Variants in IGF1R observed in about 807,000 individuals in gnomAD.
IGF1R encodes insulin-like growth factor 1 receptor.
A neutral mutation model predicts 144.6 loss-of-function variants in IGF1R; 44 were observed. That is an observed-to-expected ratio of 0.30 (90% CI 0.24 to 0.39). The LOEUF (loss-of-function observed/expected upper bound fraction) is 0.39. IGF1R is among the 10% of genes least tolerant of loss of function. The probability of loss-of-function intolerance (pLI) is 1.00; values close to 1 mark genes in which losing one functional copy is unlikely to be tolerated. For synonymous variants in IGF1R, 795 were observed against 722.8 expected (o/e 1.10, Z -1.60); for missense variants, 1,355 against 1,833.7 (o/e 0.74, Z 4.77).
chr15:98,735,925 G>A (rs35237132), intron 2 of IGF1R, among the ~76,000 whole-genome samples: 3 of 152,188 alleles, frequency 2.0e-5, no homozygotes, highest in East Asian at 1.9e-4. Flanking sequence ...CCCTGAAAGA[G>A]CCTTGAGCCA....
chr15:98,655,218 CAAGAG>C (rs2052456349), intron 1 of IGF1R, among the ~76,000 whole-genome samples: 1 of 152,192 alleles, frequency 6.6e-6, no homozygotes, highest in Non-Finnish European at 1.5e-5. Flanking sequence ...ATTGTTATCT[CAAGAG>C]AAGCATACTT....
Position 98,918,401 on chromosome 15 carries a change from AT to A in IGF1R, c.2201+1535del, listed in dbSNP as rs370240352. 4.7e-3 allele frequency among the ~76,000 whole-genome samples: 713 copies of A among 150,432 alleles called. 5 individuals are homozygous for A. Among genetic ancestry groups the A allele is most frequent in the Non-Finnish European group, 6.7e-3 (452 of 67,518 alleles). ...GTAACAACAAATGGTTTTTAAAGTG[AT>A]TTTTTTTTTCTGCCAAGTGACCTTT... On this transcript the variant is annotated intron_variant, in intron 10 of 20. Transcript: ENST00000650285.
At chr15:98,782,048 G>C (rs2055872686) in intron 2 of IGF1R, among the ~76,000 whole-genome samples, 1 of 151,960 alleles carries the variant, frequency 6.6e-6, no homozygotes, top group Non-Finnish European at 1.5e-5. Flanking sequence ...GTCTGCTTGT[G>C]AACTCCTGAC....
At chr15:98,931,480 G>A (rs2015937910) in intron 15 of IGF1R, among the ~76,000 whole-genome samples, 1 of 152,274 alleles carries the variant, frequency 6.6e-6, no homozygotes, top group Middle Eastern at 3.4e-3. Context: ...TCAGTTTATA[G>A]TAAAGTCAAT....
intron 1 of IGF1R, among the ~76,000 whole-genome samples, chr15:98,659,311 T>G (rs1303935031): frequency 6.6e-6 from 1 of 152,224 alleles, no homozygotes; most frequent in East Asian, 1.9e-4. Context: ...TTTATTACAC[T>G]TTCTCCCTTA....
chr15:98,770,711 G>A (rs986444730), intron 2 of IGF1R, among the ~76,000 whole-genome samples: 2 of 152,102 alleles, frequency 1.3e-5, no homozygotes, highest in Admixed American at 6.5e-5. Flanking sequence ...TAAGTTGGCC[G>A]TTAGCTGTCA....
rs397836919 is a variant in IGF1R at position 98,960,292 on chromosome 15, C to CTT, written c.*2856_*2857dup. On this transcript the variant is annotated 3_prime_UTR_variant, in exon 21 of 21. Coordinates refer to ENST00000650285, the MANE Select transcript of IGF1R (RefSeq NM_000875.5). ...TTCTGAGATGTCCTGTTTTGTGTTG[C>CTT]TTTTTTTGTTTTGTTTTCTATCTTG... 0.48 allele frequency: 110,683 copies of CTT among 231,076 alleles called. 27,079 individuals are homozygous for CTT. The highest frequency in any genetic ancestry group is 0.62 in the South Asian group (3,416 of 5,468). 14.3% of individuals were successfully genotyped at this position (231,076 alleles called of 1,614,324 possible).
At position 98,802,711 on chromosome 15, in the gene IGF1R, C is replaced by G. The variant is rs564041707; in HGVS notation, c.641-88614C>G. ...CTAGCATCATTGAAAGAGTTTTTTG[C>G]TTGAGTTGATTTCCCAGGTAATTGA... On this transcript the variant is annotated intron_variant, in intron 2 of 20. Coordinates refer to ENST00000650285, the MANE Select transcript of IGF1R (RefSeq NM_000875.5). Among the ~76,000 whole-genome samples the G allele has an allele frequency of 9.9e-5, 15 of 152,232 alleles. No individual in the cohort carries two copies. The South Asian group carries it at 3.1e-3, about 32-fold the overall frequency.
intron 2 of IGF1R, among the ~76,000 whole-genome samples, chr15:98,744,762 G>GC: frequency 6.8e-6 from 1 of 146,098 alleles, no homozygotes; most frequent in South Asian, 2.2e-4. Context: ...AAACTGCTCT[G>GC]TTTTTTTTTT....
chr15:98,668,968 A>G (rs978401163), intron 1 of IGF1R, among the ~76,000 whole-genome samples: 2 of 152,232 alleles, frequency 1.3e-5, no homozygotes, highest in African/African-American at 4.8e-5. Flanking sequence ...GTTTATGAGC[A>G]TTAACTGTTT....
intron 17 of IGF1R, among the ~76,000 whole-genome samples, chr15:98,936,258 T>A (rs1393867714): frequency 6.6e-6 from 1 of 152,210 alleles, no homozygotes; most frequent in Non-Finnish European, 1.5e-5. Flanking sequence ...CCTAAAAATT[T>A]CACTTTGGGT....
chr15:98,714,206 C>T lies in IGF1R; in HGVS notation c.640+6099C>T, dbSNP rs143471071. On this transcript the variant is annotated intron_variant, in intron 2 of 20. Transcript: ENST00000650285. ...AAAAAAGTCTACATTTTTCCACCGC[C>T]ACGTTCTTATATCCTTGTTTGTCAG... Among the ~76,000 whole-genome samples, 431 of 152,174 alleles carry T rather than the reference C, an allele frequency of 2.8e-3. 3 individuals are homozygous for T. Among genetic ancestry groups the T allele is most frequent in the African/African-American group, 0.01 (418 of 41,514 alleles).
At chr15:98,956,428 T>A (rs2016987202) in intron 20 of IGF1R, among the ~76,000 whole-genome samples, 1 of 152,232 alleles carries the variant, frequency 6.6e-6, no homozygotes, top group Admixed American at 6.5e-5. Context: ...GGGGCTTGCT[T>A]GTGCAGGGCT....
intron 10 of IGF1R, 30 bp downstream of exon 10, chr15:98,916,906 C>A (rs1406442719): frequency 6.3e-7 from 1 of 1,589,364 alleles, no homozygotes; most frequent in African/African-American, 1.3e-5. Flanking sequence ...TTTCAGTTGG[C>A]AAAACCCACT....
At chr15:98,922,581 G>A (rs1860526518) in intron 11 of IGF1R, 150 bp downstream of exon 11, 6 of 863,392 alleles carry the variant, frequency 6.9e-6, no homozygotes, top group South Asian at 3.1e-5. Context: ...GGCAGGTGGC[G>A]TGTAGACCAG....
At chr15:98,670,898 G>A (rs974422650) in intron 1 of IGF1R, among the ~76,000 whole-genome samples, 2 of 152,006 alleles carry the variant, frequency 1.3e-5, no homozygotes, top group African/African-American at 4.8e-5. Flanking sequence ...TTTAATTTCT[G>A]TAGAAAATAA....
chr15:98,914,755 G>A lies in IGF1R; in HGVS notation c.1829-1209G>A, dbSNP rs73463690. ...CTGTACCAATGAGTCAGTTCACTAC[G>A]TTTTGTCCTCTGTCCTTACACGCAG... On this transcript the variant is annotated intron_variant, in intron 8 of 20. Coordinates refer to ENST00000650285, the MANE Select transcript of IGF1R (RefSeq NM_000875.5). Among the ~76,000 whole-genome samples, 628 of 152,144 alleles carry A rather than the reference G, an allele frequency of 4.1e-3. 6 individuals are homozygous for A. The highest frequency in any genetic ancestry group is 0.012 in the African/African-American group (517 of 41,406).
In IGF1R at chr15:98,739,229, C is replaced by T. The variant is rs188088184; in HGVS notation, c.640+31122C>T. On this transcript the variant is annotated intron_variant, in intron 2 of 20. Transcript: ENST00000650285. Reference sequence around the variant, plus strand: ...GGAAGTGGTGGTGGCTGATCCTGACCGTCCTCAGTTTTGTGAAGCAACAGC... The same window carrying T: ...GGAAGTGGTGGTGGCTGATCCTGACTGTCCTCAGTTTTGTGAAGCAACAGC... Among the ~76,000 whole-genome samples the T allele has an allele frequency of 3.6e-3, 548 of 152,196 alleles. 6 individuals are homozygous for T. Among genetic ancestry groups the T allele is most frequent in the African/African-American group, 0.013 (520 of 41,502 alleles).
chr15:98,878,663 C>CAAAAAAAAAAAAAAAAAAAAAAAAAAA (rs138285597), intron 2 of IGF1R, among the ~76,000 whole-genome samples: 1 of 57,906 alleles, frequency 1.7e-5, no homozygotes, highest in African/African-American at 1.0e-4. Flanking sequence ...GTGAAAGACT[C>CAAAAAAAAAAAAAAAAAAAAAAAAAAA]AAAAAAAAAA....
Sources: gnomAD v4.1 joint callset for allele counts (sites outside exome capture counted in the v4.1 genomes callset) on GRCh38, gnomAD v4.1.1 for gene constraint, MANE v1.5 for transcripts, NCBI Gene and HGNC (gene_info 2026-07-23, HGNC 2026-07-21) for gene names.